Variants in DLG5 observed in about 807,000 individuals in gnomAD.
DLG5 encodes disks large homolog 5.
Under a neutral mutation model 189.8 loss-of-function variants are expected in DLG5, and 48 were observed. The observed-to-expected ratio is 0.25, with a 90% CI of 0.20 to 0.32. The LOEUF is 0.32. Ranked by LOEUF, DLG5 falls within the 10% of genes least tolerant of loss-of-function variation. The probability of loss-of-function intolerance (pLI) is 1.00; values close to 1 mark genes in which losing one functional copy is unlikely to be tolerated. For missense variants in DLG5, 2,160 were observed against 2,544.7 expected, an observed-to-expected ratio of 0.85 and a Z score of 3.25; for synonymous variants, 1,016 against 1,054.1, an observed-to-expected ratio of 0.96 and a Z score of 0.70.
intron 1 of DLG5, among the ~76,000 whole-genome samples, chr10:77,916,294 AT>A (rs1185550204): frequency 2.7e-3 from 400 of 149,578 alleles, no homozygotes; most frequent in African/African-American, 8.8e-3. Context: ...AAGAAAAAAA[AT>A]TTTTTTTTTT....
chr10:77,892,376 G>C (rs1286552212), intron 1 of DLG5, among the ~76,000 whole-genome samples: 3 of 152,192 alleles, frequency 2.0e-5, no homozygotes, highest in African/African-American at 7.2e-5. Context: ...TGTATGGAAT[G>C]CAACAGCCTC....
In DLG5 at chr10:77,898,427, G is replaced by T. The variant is rs545399604; in HGVS notation, c.304+27790C>A. ...AGTGCTAGCAGCACAATCTGAGGAC[G>T]GGTCCCCTGCCAGCCCTCCGGGCAC... On this transcript the variant is annotated intron_variant, in intron 1 of 31. Coordinates refer to ENST00000372391, the MANE Select transcript of DLG5 (RefSeq NM_004747.4). Among the ~76,000 whole-genome samples, 6 of 152,366 alleles carry T rather than the reference G, an allele frequency of 3.9e-5. No homozygotes were observed. In the South Asian group the frequency reaches 8.3e-4, roughly 21 times the overall value.
In DLG5 at chr10:77,906,408, G is replaced by GT. The variant is rs546838917; in HGVS notation, c.304+19808dup. Among the ~76,000 whole-genome samples the GT allele has an allele frequency of 7.6e-3, 1,156 of 152,284 alleles. 12 individuals carry two copies. Among genetic ancestry groups the GT allele is most frequent in the Non-Finnish European group, 0.012 (788 of 68,016 alleles). On this transcript the variant is annotated intron_variant, in intron 1 of 31. Coordinates refer to ENST00000372391, the MANE Select transcript of DLG5 (RefSeq NM_004747.4). Reference sequence around the variant, plus strand: ...GAATGGCAGGAAAAGCACTTGTACCGTAAGCATCACTGGTGTGAAATGGAA... The same window carrying GT: ...GAATGGCAGGAAAAGCACTTGTACCGTTAAGCATCACTGGTGTGAAATGGAA...
At chr10:77,840,516 G>A (rs1201779320) in intron 7 of DLG5, among the ~76,000 whole-genome samples, 3 of 152,054 alleles carry the variant, frequency 2.0e-5, no homozygotes, top group African/African-American at 7.2e-5. Flanking sequence ...CCAGGAGTTC[G>A]AGACCAGCCT....
intron 1 of DLG5, chr10:77,869,491 G>A (rs1844815212): frequency 9.5e-6 from 4 of 421,164 alleles, no homozygotes; most frequent in Non-Finnish European, 1.7e-5. Flanking sequence ...GGCTTAGCAA[G>A]GGAGTGACAT....
At chr10:77,814,264 T>C (rs1841925667) in intron 20 of DLG5, among the ~76,000 whole-genome samples, 1 of 152,010 alleles carries the variant, frequency 6.6e-6, no homozygotes, top group Non-Finnish European at 1.5e-5. Flanking sequence ...AGGCATAGGC[T>C]ACCGCGCCCA....
intron 1 of DLG5, among the ~76,000 whole-genome samples, chr10:77,891,088 C>T (rs2154577629): frequency 6.6e-6 from 1 of 152,344 alleles, no homozygotes; most frequent in Non-Finnish European, 1.5e-5. Context: ...CAAATGAGAC[C>T]TCTCCGAGGA....
At chr10:77,921,991 T>C (rs967295925) in intron 1 of DLG5, among the ~76,000 whole-genome samples, 3 of 152,178 alleles carry the variant, frequency 2.0e-5, no homozygotes, top group African/African-American at 7.2e-5. Flanking sequence ...AATGAGAGTA[T>C]CTGGGGAAAG....
At chr10:77,876,707 AAGGG>A (rs773174317) in intron 1 of DLG5, among the ~76,000 whole-genome samples, 7 of 69,952 alleles carry the variant, frequency 1.0e-4, no homozygotes, top group East Asian at 4.5e-4. Flanking sequence ...GGAAGGAAGG[AAGGG>A]AGGGAGGGAG....
chr10:77,900,483 G>C (rs371314567), intron 1 of DLG5, among the ~76,000 whole-genome samples: 2 of 152,156 alleles, frequency 1.3e-5, no homozygotes, highest in East Asian at 1.9e-4. Context: ...CTTCACCCCG[G>C]GGCCCCCTTC....
Position 77,821,673 on chromosome 10 carries a change from G to A in DLG5, c.2811C>T (p.Asp937=). ...GVGEASLDKA[D]SEGSNSGGTW... ...TCCCGCCGCTGTTGGAGCCTTCAGA[G>A]TCTGCCTTGTCCAGGGAGGCCTCCC... is the stretch of plus-strand genomic sequence containing the variant. Residue 937 remains aspartate, a synonymous_variant, in exon 15 of 32, where the codon GAC becomes GAT. Transcript: ENST00000372391. 6.2e-7 allele frequency: 1 copy of A among 1,612,948 alleles called. No individual in the cohort carries two copies. Among genetic ancestry groups the A allele is most frequent in the Non-Finnish European group, 8.5e-7 (1 of 1,179,864 alleles).
intron 9 of DLG5, among the ~76,000 whole-genome samples, chr10:77,833,256 G>A (rs765250872): frequency 8.4e-4 from 128 of 152,272 alleles, no homozygotes; most frequent in Non-Finnish European, 1.2e-3. Flanking sequence ...GTAATCGAGG[G>A]GAGGATGTCT....
chr10:77,929,794 G>A (rs1183114510), upstream of DLG5: 2 of 152,224 alleles, frequency 1.3e-5, no homozygotes, highest in African/African-American at 4.8e-5. Context: ...CTGACCTTGA[G>A]AAGTGTGAGC....
intron 1 of DLG5, among the ~76,000 whole-genome samples, chr10:77,918,926 G>A (rs1250700409): frequency 3.3e-5 from 5 of 152,086 alleles, no homozygotes; most frequent in African/African-American, 9.7e-5. Flanking sequence ...AAAAAAAAAT[G>A]AGACAACGGC....
rs569770490 is a variant in DLG5, at chr10:77,847,055, G to A, written c.865-3349C>T. 1.2e-4 allele frequency among the ~76,000 whole-genome samples: 19 copies of A among 152,228 alleles called. No homozygotes were observed. The East Asian group carries it at 3.5e-3, about 28-fold the overall frequency. On this transcript the variant is annotated intron_variant, in intron 5 of 31. Transcript: ENST00000372391. ...GGCTAACCTTGAGGGGCCTGGATCCGGGCCTGTGTGACAATCCAGGGATGA... is the reference window on the plus strand; with the variant it reads ...GGCTAACCTTGAGGGGCCTGGATCCAGGCCTGTGTGACAATCCAGGGATGA...
chr10:77,862,875 C>T (rs1047332987), intron 2 of DLG5, among the ~76,000 whole-genome samples: 2 of 152,096 alleles, frequency 1.3e-5, no homozygotes, highest in South Asian at 2.1e-4. Flanking sequence ...GGCAACACTA[C>T]AGGGACAGAA....
At chr10:77,809,404 T>TCAACAA in intron 24 of DLG5, 143 bp downstream of exon 24, 2 of 915,048 alleles carry the variant, frequency 2.2e-6, no homozygotes, top group Non-Finnish European at 3.3e-6. Flanking sequence ...AGACTCTGCC[T>TCAACAA]CAACAACAAC....
In DLG5 at chr10:77,807,932, C is replaced by T; in HGVS notation, c.4660G>A (p.Asp1554Asn). 6.2e-7 allele frequency: 1 copy of T among 1,614,188 alleles called. No individual in the cohort carries two copies. Among genetic ancestry groups the T allele is most frequent in the Non-Finnish European group, 8.5e-7 (1 of 1,180,034 alleles). The change falls in exon 25 of 32, where the codon GAC becomes AAC. Residue 1554 changes from aspartate (D) to asparagine (N), a missense_variant. Transcript: ENST00000372391. The stretch of plus-strand genomic sequence containing the variant: ...TCCTCCACTGTCTTGTTCCGCACGT[C>T]CAGGCTGCCATACTGCCAGGGATGG... ...GDLILEYGSL[D>N]VRNKTVEEVY...
chr10:77,881,123 C>A (rs535290227), intron 1 of DLG5, among the ~76,000 whole-genome samples: 94 of 152,080 alleles, frequency 6.2e-4, no homozygotes, highest in Non-Finnish European at 9.7e-4. Context: ...CAGGCATGTG[C>A]CTCTGTGCCT....
Sources: allele counts gnomAD v4.1 joint callset (sites outside exome capture counted in the v4.1 genomes callset), GRCh38; gene constraint gnomAD v4.1.1; transcripts MANE v1.5; gene names NCBI Gene and HGNC (gene_info 2026-07-23, HGNC 2026-07-21).